Variants in MDGA2 observed in about 807,000 individuals in gnomAD.
MDGA2 encodes the protein MAM domain containing glycosylphosphatidylinositol anchor 2.
MDGA2 carries 40 observed loss-of-function variants against 117.8 expected under a neutral mutation model. The ratio of observed to expected loss-of-function variants is 0.34; its 90% CI spans 0.26 to 0.44. MDGA2 has a LOEUF of 0.44. Ranked by LOEUF, MDGA2 falls within the 20% of genes least tolerant of loss-of-function variation. The pLI is 1.00. For synonymous variants in MDGA2, 452 were observed against 439.0 expected, an observed-to-expected ratio of 1.03 and a Z score of -0.37; for missense variants, 1,123 against 1,250.6, an observed-to-expected ratio of 0.90 and a Z score of 1.54.
At chr14:47,301,289 AC>A in intron 2 of MDGA2, 121 bp downstream of exon 2, 1 of 948,934 alleles carries the variant, frequency 1.1e-6, no homozygotes, top group South Asian at 1.7e-5. Flanking sequence ...ACACACCCAC[AC>A]CCACCCACAC....
chr14:47,674,983 C>A lies in MDGA2; in HGVS notation c.-187G>T. 5.3e-6 allele frequency: 2 copies of A among 377,572 alleles called. No individual in the cohort carries two copies. Among genetic ancestry groups the A allele is most frequent in the Non-Finnish European group, 9.4e-6 (2 of 213,762 alleles). 23.4% of individuals were successfully genotyped at this position (377,572 alleles called of 1,614,324 possible). A position where few individuals can be genotyped will look rare whatever the true frequency, so the allele number is the denominator to read the frequency against. On this transcript the variant is annotated 5_prime_UTR_variant, in exon 1 of 17. Transcript: ENST00000399232. ...CTTCAGGGAAGCGGGCTCGAGTCTC[C>A]GCAGCTGCGGCGGCGGCGGCGGCGC...
intron 10 of MDGA2, among the ~76,000 whole-genome samples, chr14:46,907,900 A>T (rs1883558930): frequency 6.6e-6 from 1 of 152,198 alleles, no homozygotes; most frequent in Non-Finnish European, 1.5e-5. Flanking sequence ...GTACGTAGTT[A>T]AGGTACTTTC....
intron 1 of MDGA2, among the ~76,000 whole-genome samples, chr14:47,648,993 T>C (rs1163294485): frequency 6.6e-6 from 1 of 152,200 alleles, no homozygotes; most frequent in African/African-American, 2.4e-5. Context: ...GGTTTATATA[T>C]GTATTCTGAC....
intron 1 of MDGA2, among the ~76,000 whole-genome samples, chr14:47,529,930 C>T (rs1455915918): frequency 6.6e-6 from 1 of 152,188 alleles, no homozygotes; most frequent in Non-Finnish European, 1.5e-5. Flanking sequence ...CCTGAAACTA[C>T]TGCTACGGAA....
chr14:47,066,089 A>C (rs1456607867), intron 6 of MDGA2, among the ~76,000 whole-genome samples: 1 of 152,230 alleles, frequency 6.6e-6, no homozygotes, highest in Non-Finnish European at 1.5e-5. Context: ...AATAGGTTAC[A>C]TCAGCAAAGC....
intron 6 of MDGA2, among the ~76,000 whole-genome samples, chr14:47,070,853 C>T (rs538887693): frequency 1.3e-5 from 2 of 152,362 alleles, no homozygotes; most frequent in African/African-American, 4.8e-5. Context: ...GGTGATCCGC[C>T]TGCCTCGGCC....
intron 10 of MDGA2, among the ~76,000 whole-genome samples, chr14:46,912,396 C>A (rs1448359738): frequency 1.3e-5 from 2 of 152,044 alleles, no homozygotes; most frequent in Non-Finnish European, 2.9e-5. Flanking sequence ...ATTTTTACCA[C>A]CTTCAGTTTC....
At chr14:47,342,473 A>C (rs1890659686) in intron 1 of MDGA2, among the ~76,000 whole-genome samples, 1 of 152,004 alleles carries the variant, frequency 6.6e-6, no homozygotes, top group Non-Finnish European at 1.5e-5. Flanking sequence ...CTCTTATTTC[A>C]CAACCCACGT....
intron 10 of MDGA2, among the ~76,000 whole-genome samples, chr14:46,893,404 T>C (rs562621100): frequency 3.9e-5 from 6 of 151,988 alleles, no homozygotes; most frequent in East Asian, 1.9e-4. Context: ...CGTTCAGTTA[T>C]GTAGGATAAA....
intron 8 of MDGA2, among the ~76,000 whole-genome samples, chr14:47,030,614 T>C (rs2138628025): frequency 6.6e-6 from 1 of 152,320 alleles, no homozygotes; most frequent in South Asian, 2.1e-4. Flanking sequence ...ATATATGTAA[T>C]ATCTTTATTT....
At chr14:47,264,967 T>C (rs530578802) in intron 2 of MDGA2, among the ~76,000 whole-genome samples, 159 of 152,292 alleles carry the variant, frequency 1.0e-3, no homozygotes, top group African/African-American at 3.8e-3. Flanking sequence ...TTTTTAATGT[T>C]GCTGTAAAAA....
chr14:47,345,750 A>G (rs1890749568), intron 1 of MDGA2, among the ~76,000 whole-genome samples: 1 of 152,172 alleles, frequency 6.6e-6, no homozygotes, highest in African/African-American at 2.4e-5. Context: ...GAAATACTAG[A>G]CATTTCATAT....
At chr14:47,322,736 A>G (rs1045112315) in intron 1 of MDGA2, among the ~76,000 whole-genome samples, 22 of 152,194 alleles carry the variant, frequency 1.4e-4, no homozygotes, top group African/African-American at 5.1e-4. Flanking sequence ...TCTAGCTTCT[A>G]TGAAGAGTAG....
intron 2 of MDGA2, among the ~76,000 whole-genome samples, chr14:47,291,408 A>G (rs75460422): frequency 0.28 from 42,301 of 152,086 alleles, 6,688 homozygotes; most frequent in Admixed American, 0.47. Flanking sequence ...CTAGGTAAAA[A>G]ATGCCATGAT....
rs139495107 is a variant in MDGA2, at chr14:47,477,512, G to A, written c.281-175962C>T. The stretch of plus-strand genomic sequence containing the variant: ...CTGATTTTGCCAAGTCCTTACCCAC[G>A]TTTTCATTTATGAATCTAACTCTGA... On this transcript the variant is annotated intron_variant, in intron 1 of 16. Transcript: ENST00000399232. Among the ~76,000 whole-genome samples, 252 of 152,162 alleles carry A rather than the reference G, an allele frequency of 1.7e-3. 1 individual carries two copies. Among genetic ancestry groups the A allele is most frequent in the African/African-American group, 5.6e-3 (232 of 41,510 alleles).
At position 47,375,087 on chromosome 14, in the gene MDGA2, T is replaced by A. The variant is rs182680201; in HGVS notation, c.281-73537A>T. Among the ~76,000 whole-genome samples the A allele has an allele frequency of 1.1e-3, 165 of 152,000 alleles. 1 individual carries two copies. The highest frequency in any genetic ancestry group is 2.1e-3 in the Non-Finnish European group (140 of 67,892). On this transcript the variant is annotated intron_variant, in intron 1 of 16. Transcript: ENST00000399232. ...TTAACCTTTCAAAACCTGTTTTTTT[T>A]AATTTTTTTAAAATTTTTTAGAAAA...
intron 1 of MDGA2, among the ~76,000 whole-genome samples, chr14:47,546,652 C>T (rs1325741529): frequency 1.3e-5 from 2 of 152,104 alleles, no homozygotes; most frequent in Non-Finnish European, 2.9e-5. Context: ...GGAAAGGCTC[C>T]AAAATGAGAC....
At chr14:47,188,950 G>A (rs1885009720) in intron 3 of MDGA2, among the ~76,000 whole-genome samples, 1 of 152,146 alleles carries the variant, frequency 6.6e-6, no homozygotes, top group African/African-American at 2.4e-5. Flanking sequence ...ATGAAAATGT[G>A]TGGTGTTTAT....
At chr14:47,203,789 T>C (rs1213439509) in intron 3 of MDGA2, among the ~76,000 whole-genome samples, 2 of 152,122 alleles carry the variant, frequency 1.3e-5, no homozygotes, top group African/African-American at 4.8e-5. Context: ...AGTCTTCAAA[T>C]GTTTTAAATC....
Sources: allele counts gnomAD v4.1 joint callset (sites outside exome capture counted in the v4.1 genomes callset), GRCh38; gene constraint gnomAD v4.1.1; transcripts MANE v1.5; gene names NCBI Gene and HGNC (gene_info 2026-07-23, HGNC 2026-07-21).